PPP1CC: variants seen among roughly 807,000 people sequenced by gnomAD.
The protein encoded by PPP1CC is serine/threonine-protein phosphatase PP1-gamma catalytic subunit.
Under a neutral mutation model 38.4 loss-of-function variants are expected in PPP1CC, and 16 were observed. That is an observed-to-expected ratio of 0.42 (90% CI 0.28 to 0.63). The LOEUF (loss-of-function observed/expected upper bound fraction) is 0.63. Ranked by LOEUF, PPP1CC falls within the 30% of genes least tolerant of loss-of-function variation. PPP1CC has a pLI of 0.25. For missense variants in PPP1CC, 170 were observed against 391.3 expected, an observed-to-expected ratio of 0.43 and a Z score of 4.77; for synonymous variants, 158 against 136.0, an observed-to-expected ratio of 1.16 and a Z score of -1.13.
chr12:110,734,116 C>T (rs1315301388), intron 1 of PPP1CC, among the ~76,000 whole-genome samples: 1 of 152,110 alleles, frequency 6.6e-6, no homozygotes, highest in Non-Finnish European at 1.5e-5. Flanking sequence ...ACCCACCACA[C>T]CCCCTCAACC....
intron 1 of PPP1CC, among the ~76,000 whole-genome samples, chr12:110,738,454 T>C (rs2069973577): frequency 6.6e-6 from 1 of 152,236 alleles, no homozygotes; most frequent in Non-Finnish European, 1.5e-5. Context: ...TTAAGTTAAA[T>C]GGTGAAGTCC....
At chr12:110,721,296 G>A in intron 6 of PPP1CC, 131 bp from the exon 7 acceptor site, 1 of 652,410 alleles carries the variant, frequency 1.5e-6, no homozygotes. Context: ...AGCCCCCCTA[G>A]CATATTAACA....
At chr12:110,717,653 C>T (rs1418933414), downstream of PPP1CC, among the ~76,000 whole-genome samples, 2 of 152,138 alleles carry the variant, frequency 1.3e-5, no homozygotes, top group Non-Finnish European at 2.9e-5. Flanking sequence ...GCCTCAGCCT[C>T]CCAAAGTGCT....
In PPP1CC at chr12:110,722,168, C is replaced by A; in HGVS notation, c.849G>T (p.Met283Ile). Residue 283 changes from methionine to isoleucine, a missense_variant, in exon 6 of 7, where the codon ATG becomes ATT. Around this residue, in one of 3 missense-constraint regions of PPP1CC, gnomAD observed 117 missense variants for 344.4 expected, o/e 0.34. Transcript: ENST00000335007. The surrounding 1 kb of genome is among the most constrained non-coding windows in gnomAD (Gnocchi z 5.4). ...AACACATTAGTGTTTCATCCACACT[C>A]ATCATGGCACCTGCATTGTCAAACT... The part of the protein sequence containing the change: ...CGEFDNAGAM[M>I]SVDETLMCSF... The A allele has an allele frequency of 6.2e-7, 1 of 1,614,214 alleles. No homozygotes were observed. The highest frequency in any genetic ancestry group is 1.1e-5 in the South Asian group (1 of 91,078).
At chr12:110,739,171 G>A (rs2069982689) in intron 1 of PPP1CC, among the ~76,000 whole-genome samples, 1 of 152,112 alleles carries the variant, frequency 6.6e-6, no homozygotes, top group Admixed American at 6.5e-5. Context: ...GCCGAGCGTG[G>A]TGGTGCATGC....
At position 110,724,675 on chromosome 12, in the gene PPP1CC, A is replaced by G. The variant is rs752717757; in HGVS notation, c.508T>C (p.Phe170Leu). 23 of 1,612,036 alleles carry G rather than the reference A, an allele frequency of 1.4e-5. 1 individual carries two copies. The highest frequency in any genetic ancestry group is 1.0e-4 in the Admixed American group (6 of 60,016). ...GCCCACCTACCTCCATGACAGCAGA[A>G]TATCTTCTCATCCACGATGGCTGCT... Reference protein sequence around the residue: ...PIAAIVDEKIFCCHGGLSPDL... With the variant: ...PIAAIVDEKILCCHGGLSPDL... The change falls in exon 4 of 7, where the codon TTC becomes CTC. Residue 170 changes from phenylalanine to leucine, a missense_variant. Transcript: ENST00000335007.
In PPP1CC at chr12:110,720,994, G is replaced by T; in HGVS notation, c.*82C>A. 1.6e-6 allele frequency: 2 copies of T among 1,265,692 alleles called. No individual in the cohort carries two copies. Among genetic ancestry groups the T allele is most frequent in the South Asian group, 1.2e-5 (1 of 80,014 alleles). 78.4% of individuals were successfully genotyped at this position (1,265,692 alleles called of 1,614,324 possible). On this transcript the variant is annotated 3_prime_UTR_variant, in exon 7 of 7. Coordinates refer to ENST00000335007, the MANE Select transcript of PPP1CC (RefSeq NM_002710.4). ...AAACACAGATCTATCTGAGCAAGCT[G>T]ACCAGTACACATTACAGTCTTAAAA...
chr12:110,740,014 A>T (rs1351414411), intron 1 of PPP1CC, among the ~76,000 whole-genome samples: 1 of 152,242 alleles, frequency 6.6e-6, no homozygotes, highest in Non-Finnish European at 1.5e-5. Flanking sequence ...TGCCTCGCTT[A>T]CAGAAATACT....
rs1206994854 is a variant in PPP1CC, at chr12:110,722,859, G to A, written c.524-164C>T. Among the ~76,000 whole-genome samples, 1 of 152,142 alleles carries A rather than the reference G, an allele frequency of 6.6e-6. No homozygotes were observed. Among genetic ancestry groups the A allele is most frequent in the Non-Finnish European group, 1.5e-5 (1 of 68,026 alleles). ...CTTTTGGTTAAAAGAAAAAAACACA[G>A]AAAAAGGACAACTGGATACACACTA... On this transcript the variant is annotated intron_variant, in intron 4 of 6. Transcript: ENST00000335007. This position sits in a 1 kb window ranked among gnomAD's most constrained non-coding sequence, Gnocchi z 5.4.
At chr12:110,724,829 C>T in intron 3 of PPP1CC, 65 bp from the exon 4 acceptor site, 1 of 944,308 alleles carries the variant, frequency 1.1e-6, no homozygotes. Flanking sequence ...CTCATTCTCT[C>T]AGGATTAACT....
chr12:110,708,386 A>G, the PPP1CC span, among the ~76,000 whole-genome samples: 1 of 152,228 alleles, frequency 6.6e-6, no homozygotes, highest in Non-Finnish European at 1.5e-5. Context: ...TGAAAGATAT[A>G]TATGACTCCA....
At chr12:110,713,948 A>C in the PPP1CC span, among the ~76,000 whole-genome samples, 22 of 152,134 alleles carry the variant, frequency 1.4e-4, no homozygotes, top group Non-Finnish European at 2.8e-4. Context: ...AAAGTACAAA[A>C]ATTAGCTCGG....
downstream of PPP1CC, among the ~76,000 whole-genome samples, chr12:110,719,070 T>C (rs927002449): frequency 2.0e-5 from 3 of 152,194 alleles, no homozygotes; most frequent in Admixed American, 2.0e-4. Flanking sequence ...TTTGAAATCC[T>C]AGTATCAATT....
chr12:110,728,855 G>GT (rs1482575118), intron 3 of PPP1CC, among the ~76,000 whole-genome samples: 2 of 152,166 alleles, frequency 1.3e-5, no homozygotes, highest in Non-Finnish European at 1.5e-5. Flanking sequence ...GGAAAGGGTG[G>GT]TAGTAGAAGG....
At chr12:110,730,497 T>A in intron 3 of PPP1CC, 32 bp downstream of exon 3, 1 of 1,448,132 alleles carries the variant, frequency 6.9e-7, no homozygotes. Context: ...TTAATTTCAA[T>A]AACTCTTCCT....
rs939039790 is a variant in PPP1CC, at chr12:110,722,780, A to C, written c.524-85T>G. 6.0e-6 allele frequency: 6 copies of C among 1,000,322 alleles called. No homozygotes were observed. In the African/African-American group the frequency reaches 9.8e-5, roughly 16 times the overall value. The allele number at this position is 1,000,322 out of a possible 1,614,324, so 62.0% of individuals were successfully genotyped here. A position where few individuals can be genotyped will look rare whatever the true frequency, so the allele number is the denominator to read the frequency against. ...CTTCAAAAGTTCCATTTGTCTACAGAGAAATTCAATAATCCTGACATAAAA... is the reference window on the plus strand; with the variant it reads ...CTTCAAAAGTTCCATTTGTCTACAGCGAAATTCAATAATCCTGACATAAAA... On this transcript the variant is annotated intron_variant, in intron 4 of 6. Coordinates refer to ENST00000335007, the MANE Select transcript of PPP1CC (RefSeq NM_002710.4). The surrounding 1 kb of genome is among the most constrained non-coding windows in gnomAD (Gnocchi z 5.4).
intron 4 of PPP1CC, among the ~76,000 whole-genome samples, chr12:110,724,404 TAAAATA>T (rs1298867924): frequency 6.6e-6 from 1 of 152,024 alleles, no homozygotes; most frequent in Admixed American, 6.6e-5. Flanking sequence ...TTACAAAAAA[TAAAATA>T]AAAATAAAAA....
At chr12:110,728,815 G>A (rs1345876499) in intron 3 of PPP1CC, among the ~76,000 whole-genome samples, 2 of 152,180 alleles carry the variant, frequency 1.3e-5, no homozygotes, top group Non-Finnish European at 2.9e-5. Flanking sequence ...TGGATCTCAA[G>A]GTCACAGACC....
Position 110,722,706 on chromosome 12 carries a change from A to AG in PPP1CC, c.524-12dup, listed in dbSNP as rs751718761. 1.4e-4 allele frequency: 225 copies of AG among 1,569,074 alleles called. No homozygotes were observed. Among genetic ancestry groups the AG allele is most frequent in the Non-Finnish European group, 1.9e-4 (222 of 1,157,546 alleles). On this transcript the variant is annotated splice_polypyrimidine_tract_variant and intron_variant, in intron 4 of 6. Coordinates refer to ENST00000335007, the MANE Select transcript of PPP1CC (RefSeq NM_002710.4). The surrounding 1 kb of genome is among the most constrained non-coding windows in gnomAD (Gnocchi z 5.4). ...GATCTGGTGATAAACCTATTCAATGAGGAAAAAAAAAAAATGAAGAAAGCA... is the reference window on the plus strand; with the variant it reads ...GATCTGGTGATAAACCTATTCAATGAGGGAAAAAAAAAAAATGAAGAAAGCA...
Sources: allele counts gnomAD v4.1 joint callset (sites outside exome capture counted in the v4.1 genomes callset), GRCh38; gene constraint gnomAD v4.1.1; regional missense constraint gnomAD v4.1.1; non-coding constraint Gnocchi (gnomAD v3.1); transcripts MANE v1.5; gene names NCBI Gene and HGNC (gene_info 2026-07-23, HGNC 2026-07-21).